Variants in CSMD3 observed in about 807,000 individuals in gnomAD.
The protein encoded by CSMD3 is CUB and sushi domain-containing protein 3.
A neutral mutation model predicts 435.2 loss-of-function variants in CSMD3; 177 were observed. The ratio of observed to expected loss-of-function variants is 0.41; its 90% CI spans 0.36 to 0.46. The LOEUF is 0.46. Ranked by LOEUF, CSMD3 falls within the 20% of genes least tolerant of loss-of-function variation. The pLI is 0.34. For missense variants in CSMD3, 4,265 were observed against 4,504.6 expected (o/e 0.95, Z 1.52); for synonymous variants, 1,656 against 1,520.5 (o/e 1.09, Z -2.07).
chr8:112,690,157 C>T (rs2076099265), intron 13 of CSMD3, 107 bp from the exon 14 acceptor site: 3 of 816,984 alleles, frequency 3.7e-6, no homozygotes, highest in Non-Finnish European at 6.1e-6. Context: ...TATTTCAGAA[C>T]AAAAAATAAA....
At chr8:112,635,053 C>T (rs1459321338) in intron 22 of CSMD3, among the ~76,000 whole-genome samples, 1 of 147,670 alleles carries the variant, frequency 6.8e-6, no homozygotes, top group Non-Finnish European at 1.5e-5. Context: ...ATAAAAGAAC[C>T]TAGCAGGTCC....
At position 112,336,657 on chromosome 8, in the gene CSMD3, A is replaced by G. The variant is rs1251907780; in HGVS notation, c.7014T>C (p.Thr2338=). The change falls in exon 44 of 71, where the codon ACT becomes ACC. Residue 2338 remains threonine, a synonymous_variant. Transcript: ENST00000297405. ...LQTEPIYDFI[T]VWDGPDQNSP... ...TAACAATAGTCCTGACTTACCATAC[A>G]GTAATGAAATCATATATTGGTTCTG... is the stretch of plus-strand genomic sequence containing the variant. 1.2e-6 allele frequency: 2 copies of G among 1,604,292 alleles called. No individual in the cohort carries two copies. The highest frequency in any genetic ancestry group is 1.7e-6 in the Non-Finnish European group (2 of 1,171,180).
At chr8:112,520,704 T>C (rs1824191403) in intron 27 of CSMD3, among the ~76,000 whole-genome samples, 1 of 152,034 alleles carries the variant, frequency 6.6e-6, no homozygotes, top group Non-Finnish European at 1.5e-5. Flanking sequence ...ATAAAATTTA[T>C]TCATATACAT....
At chr8:112,521,472 C>T (rs1040990211) in intron 27 of CSMD3, among the ~76,000 whole-genome samples, 1 of 151,874 alleles carries the variant, frequency 6.6e-6, no homozygotes, top group Non-Finnish European at 1.5e-5. Flanking sequence ...GATTCATCAG[C>T]CTAGTCTGGT....
chr8:112,361,582 T>TAC (rs1195177361), intron 38 of CSMD3, among the ~76,000 whole-genome samples: 3 of 23,154 alleles, frequency 1.3e-4, no homozygotes, highest in Non-Finnish European at 1.9e-4. Flanking sequence ...CATATATATA[T>TAC]ATATATATAT....
intron 13 of CSMD3, among the ~76,000 whole-genome samples, chr8:112,740,683 A>G (rs977426182): frequency 1.3e-5 from 2 of 151,916 alleles, no homozygotes; most frequent in Admixed American, 1.3e-4. Flanking sequence ...GTTACCCAAG[A>G]AAGAAAAGTT....
intron 3 of CSMD3, among the ~76,000 whole-genome samples, chr8:113,253,062 TA>T (rs1235079422): frequency 6.6e-6 from 1 of 152,060 alleles, no homozygotes; most frequent in Non-Finnish European, 1.5e-5. Flanking sequence ...AATATAAATT[TA>T]AAACTAAAAG....
intron 3 of CSMD3, among the ~76,000 whole-genome samples, chr8:113,252,307 T>A (rs1223747032): frequency 6.6e-6 from 1 of 152,122 alleles, no homozygotes; most frequent in Non-Finnish European, 1.5e-5. Context: ...TAAGAGATGA[T>A]ACTATCTATC....
intron 54 of CSMD3, among the ~76,000 whole-genome samples, chr8:112,293,946 T>C (rs1820018740): frequency 6.6e-6 from 1 of 152,156 alleles, no homozygotes. Flanking sequence ...TAAGGGCCAA[T>C]TCTCATTTAT....
At chr8:113,004,505 C>A (rs2085982551) in intron 6 of CSMD3, among the ~76,000 whole-genome samples, 1 of 151,898 alleles carries the variant, frequency 6.6e-6, no homozygotes, top group South Asian at 2.1e-4. Context: ...ATGTTGTATC[C>A]TTTATTTGCA....
At chr8:112,408,226 A>T in intron 34 of CSMD3, 92 bp downstream of exon 34, 1 of 906,324 alleles carries the variant, frequency 1.1e-6, no homozygotes, top group Non-Finnish European at 1.9e-6. Flanking sequence ...AAACACTTTT[A>T]TCTAGAGGAT....
intron 13 of CSMD3, among the ~76,000 whole-genome samples, chr8:112,732,699 C>CA (rs34891739): frequency 0.41 from 39,311 of 96,624 alleles, 5,929 homozygotes; most frequent in East Asian, 0.48. Flanking sequence ...GACTCCATCT[C>CA]AAAAAAAAAA....
intron 67 of CSMD3, among the ~76,000 whole-genome samples, chr8:112,236,472 T>C (rs1252964948): frequency 6.6e-6 from 1 of 152,030 alleles, no homozygotes; most frequent in Non-Finnish European, 1.5e-5. Context: ...TATAGACACA[T>C]AATGAATAAT....
intron 4 of CSMD3, among the ~76,000 whole-genome samples, chr8:113,137,432 TATTCCCAATGCAATTGTGCTAGC>T (rs2091444089): frequency 1.3e-5 from 2 of 151,748 alleles, no homozygotes; most frequent in South Asian, 4.1e-4. Flanking sequence ...TTGTTTAGTT[TATTCCCAATGCAATTGTGCTAGC>T]TCATTTGTGC....
chr8:112,462,848 T>A (rs1279925979), intron 32 of CSMD3, among the ~76,000 whole-genome samples: 6 of 152,124 alleles, frequency 3.9e-5, no homozygotes, highest in African/African-American at 1.4e-4. Flanking sequence ...CCACCAGTGG[T>A]AAGTTTAAAT....
At chr8:112,433,957 T>C (rs546436139) in intron 32 of CSMD3, among the ~76,000 whole-genome samples, 57 of 152,262 alleles carry the variant, frequency 3.7e-4, no homozygotes, top group Non-Finnish European at 7.4e-4. Flanking sequence ...GTGCATATGG[T>C]ATAATAGCTA....
At chr8:112,591,212 TTAAGA>T (rs1036727317) in intron 22 of CSMD3, among the ~76,000 whole-genome samples, 52 of 152,208 alleles carry the variant, frequency 3.4e-4, no homozygotes, top group African/African-American at 1.2e-3. Flanking sequence ...AATGTACAGA[TTAAGA>T]TATCTATTCG....
At chr8:112,328,628 C>T (rs1353098461) in intron 45 of CSMD3, among the ~76,000 whole-genome samples, 1 of 152,110 alleles carries the variant, frequency 6.6e-6, no homozygotes, top group Admixed American at 6.6e-5. Context: ...CAAATCTTAT[C>T]TCAAATCATA....
chr8:112,454,008 C>T (rs945790184), intron 32 of CSMD3, among the ~76,000 whole-genome samples: 2 of 152,122 alleles, frequency 1.3e-5, no homozygotes, highest in East Asian at 3.9e-4. Flanking sequence ...AAATAATTCT[C>T]TAATCAATAA....
Sources: gnomAD v4.1 joint callset for allele counts (sites outside exome capture counted in the v4.1 genomes callset) on GRCh38, gnomAD v4.1.1 for gene constraint, MANE v1.5 for transcripts, NCBI Gene and HGNC (gene_info 2026-07-23, HGNC 2026-07-21) for gene names.